The following ABCC1 variants were observed in gnomAD, a reference collection of about 807,000 sequenced individuals.
ABCC1 encodes the protein multidrug resistance-associated protein 1.
ABCC1 carries 83 observed loss-of-function variants against 172.9 expected under a neutral mutation model. That is an observed-to-expected ratio of 0.48 (90% CI 0.40 to 0.58). ABCC1 has a LOEUF of 0.58. ABCC1 is among the 20% of genes least tolerant of loss of function. The probability of loss-of-function intolerance (pLI) is 0.00; values close to 1 mark genes in which losing one functional copy is unlikely to be tolerated. For missense variants in ABCC1, 1,817 were observed against 2,002.7 expected (o/e 0.91, Z 1.77); for synonymous variants, 937 against 825.2 (o/e 1.14, Z -2.32).
At chr16:16,007,757 CGAG>C in intron 1 of ABCC1, 56 bp from the exon 2 acceptor site, 1 of 1,500,004 alleles carries the variant, frequency 6.7e-7, no homozygotes, top group Non-Finnish European at 9.0e-7. Context: ...ATGCTCCAGG[CGAG>C]CTCCTGTCCT....
intron 23 of ABCC1, among the ~76,000 whole-genome samples, chr16:16,121,341 C>T (rs951700760): frequency 6.6e-6 from 1 of 152,138 alleles, no homozygotes; most frequent in Non-Finnish European, 1.5e-5. Flanking sequence ...CCCACCTGGC[C>T]GAGCAAGCCT....
At chr16:16,035,743 C>T (rs1460608334) in intron 6 of ABCC1, among the ~76,000 whole-genome samples, 3 of 151,870 alleles carry the variant, frequency 2.0e-5, no homozygotes, top group Non-Finnish European at 4.4e-5. Flanking sequence ...AATCCTCCCA[C>T]CTCGGCCTCC....
intron 18 of ABCC1, 140 bp from the exon 19 acceptor site, chr16:16,090,265 C>A (rs890640861): frequency 5.2e-6 from 4 of 771,492 alleles, no homozygotes; most frequent in South Asian, 4.1e-5. Context: ...GCTGTTATCG[C>A]GGGTGCATGT....
intron 1 of ABCC1, among the ~76,000 whole-genome samples, chr16:15,968,056 G>A (rs572797003): frequency 2.6e-5 from 4 of 152,102 alleles, no homozygotes; most frequent in Non-Finnish European, 4.4e-5. Flanking sequence ...TTTTTGAGAC[G>A]GAGTCTTGCT....
intron 5 of ABCC1, among the ~76,000 whole-genome samples, chr16:16,024,421 A>C (rs2048302343): frequency 6.6e-6 from 1 of 152,012 alleles, no homozygotes; most frequent in South Asian, 2.1e-4. Context: ...GTGCCATCTC[A>C]GCTCACCGTG....
At chr16:16,005,008 T>A (rs2047471967) in intron 1 of ABCC1, among the ~76,000 whole-genome samples, 1 of 125,188 alleles carries the variant, frequency 8.0e-6, no homozygotes, top group African/African-American at 2.6e-5. Flanking sequence ...TATATTTTGA[T>A]CAGATTGACA....
In ABCC1 at chr16:16,062,560, C is replaced by T. The variant is rs45534139; in HGVS notation, c.1678-5596C>T. Among the ~76,000 whole-genome samples, 1,123 of 152,252 alleles carry T rather than the reference C, an allele frequency of 7.4e-3. 7 individuals carry two copies. The highest frequency in any genetic ancestry group is 0.026 in the African/African-American group (1,076 of 41,546). On this transcript the variant is annotated intron_variant, in intron 12 of 30. Transcript: ENST00000399410. ...TGAGCTTTCTTGCCATTTAGTTTCC[C>T]GGAGTTTCCAGAGACAGAGTTTGTT... is the stretch of plus-strand genomic sequence containing the variant.
intron 22 of ABCC1, among the ~76,000 whole-genome samples, chr16:16,113,418 G>A (rs2044709599): frequency 6.6e-6 from 1 of 152,170 alleles, no homozygotes; most frequent in South Asian, 2.1e-4. Flanking sequence ...CACTTTGAGA[G>A]GCCAAGGCGG....
intron 24 of ABCC1, 124 bp downstream of exon 24, chr16:16,122,298 A>G (rs1596537236): frequency 2.8e-6 from 3 of 1,071,592 alleles, no homozygotes; most frequent in Admixed American, 2.3e-5. Context: ...TGCAGAAAGG[A>G]TGGAGAGGCT....
chr16:16,005,811 A>T (rs1181566369), intron 1 of ABCC1, among the ~76,000 whole-genome samples: 3 of 152,112 alleles, frequency 2.0e-5, no homozygotes, highest in Non-Finnish European at 4.4e-5. Flanking sequence ...TTCAAAAAAA[A>T]TTAGCCAAGC....
intron 14 of ABCC1, among the ~76,000 whole-genome samples, chr16:16,073,054 AAAAT>A (rs1273461766): frequency 6.3e-5 from 9 of 143,080 alleles, no homozygotes; most frequent in Non-Finnish European, 1.2e-4. Flanking sequence ...AAAAAAAAAA[AAAAT>A]AATAATAATA....
At chr16:16,030,830 G>A (rs1028057648) in intron 5 of ABCC1, among the ~76,000 whole-genome samples, 4 of 151,940 alleles carry the variant, frequency 2.6e-5, no homozygotes, top group Admixed American at 6.6e-5. Context: ...TGCCTGGTGC[G>A]GGTAGGGCCC....
intron 20 of ABCC1, among the ~76,000 whole-genome samples, chr16:16,104,110 T>C (rs534980869): frequency 1.3e-5 from 2 of 152,220 alleles, no homozygotes; most frequent in Non-Finnish European, 2.9e-5. Flanking sequence ...CTGTAGACCT[T>C]GATGGTGAGT....
chr16:15,950,197 A>G (rs1477241578), intron 1 of ABCC1, among the ~76,000 whole-genome samples: 2 of 148,066 alleles, frequency 1.4e-5, no homozygotes, highest in Non-Finnish European at 3.0e-5. Flanking sequence ...TTTTGTGGTT[A>G]GGGTCCCCCC....
At chr16:16,065,494 G>A (rs2050077324) in intron 12 of ABCC1, among the ~76,000 whole-genome samples, 2 of 152,034 alleles carry the variant, frequency 1.3e-5, no homozygotes, top group African/African-American at 4.8e-5. Context: ...GTGCAGTGGT[G>A]CAATCTTGGC....
chr16:16,134,200 G>C (rs1027147511), intron 27 of ABCC1, 150 bp from the exon 28 acceptor site: 9 of 927,922 alleles, frequency 9.7e-6, no homozygotes, highest in Admixed American at 4.2e-5. Flanking sequence ...TTAAAGGAGT[G>C]TCTCTGGGCA....
rs558139773 is a variant in ABCC1, at chr16:16,073,057, AT to A, written c.1912+1329del. 1.9e-3 allele frequency among the ~76,000 whole-genome samples: 283 copies of A among 146,280 alleles called. 1 individual carries two copies. Among genetic ancestry groups the A allele is most frequent in the South Asian group, 0.018 (82 of 4,606 alleles). On this transcript the variant is annotated intron_variant, in intron 14 of 30. Coordinates refer to ENST00000399410, the MANE Select transcript of ABCC1 (RefSeq NM_004996.4). The stretch of plus-strand genomic sequence containing the variant: ...CTTCATCTCAAAAAAAAAAAAAAAA[AT>A]AATAATAATAAATATTAATGGCACT...
chr16:16,009,305 T>TTC (rs950417978), intron 2 of ABCC1, among the ~76,000 whole-genome samples: 1 of 151,916 alleles, frequency 6.6e-6, no homozygotes, highest in South Asian at 2.1e-4. Context: ...TGAGCTTTTG[T>TTC]TCTCTCTCTC....
chr16:15,964,580 A>AT (rs1286312339), intron 1 of ABCC1, among the ~76,000 whole-genome samples: 10 of 151,916 alleles, frequency 6.6e-5, no homozygotes, highest in African/African-American at 2.4e-4. Flanking sequence ...GTATTCTTGT[A>AT]TTTTTTCTTT....
Sources: allele counts gnomAD v4.1 joint callset (sites outside exome capture counted in the v4.1 genomes callset), GRCh38; gene constraint gnomAD v4.1.1; transcripts MANE v1.5; gene names NCBI Gene and HGNC (gene_info 2026-07-23, HGNC 2026-07-21).